Variants in CIROZ observed in about 807,000 individuals in gnomAD.
The protein encoded by CIROZ is ciliated left-right organizer ZP-N domains-containing protein.
the CIROZ span, among the ~76,000 whole-genome samples, chr1:10,976,712 A>C: frequency 6.6e-6 from 1 of 152,004 alleles, no homozygotes; most frequent in Non-Finnish European, 1.5e-5. Flanking sequence ...AAAAAAAAAA[A>C]AAACCCATAA....
chr1:10,964,537 A>G, the CIROZ span, among the ~76,000 whole-genome samples: 1 of 152,362 alleles, frequency 6.6e-6, no homozygotes, highest in Non-Finnish European at 1.5e-5. Context: ...CTAGTCAGAC[A>G]GAATAAGAGC....
At chr1:10,975,760 T>C in the CIROZ span, among the ~76,000 whole-genome samples, 1 of 152,158 alleles carries the variant, frequency 6.6e-6, no homozygotes, top group Non-Finnish European at 1.5e-5. Context: ...CTGCTACTCA[T>C]TGCTATGGGA....
chr1:10,976,597 G>A, the CIROZ span, among the ~76,000 whole-genome samples: 76 of 151,174 alleles, frequency 5.0e-4, no homozygotes, highest in African/African-American at 1.6e-3. Flanking sequence ...TGATCCACCC[G>A]CCTCGGCCTC....
At chr1:10,973,956 A>ACC in the CIROZ span, among the ~76,000 whole-genome samples, 2,483 of 134,318 alleles carry the variant, frequency 0.018, 72 homozygotes, top group African/African-American at 0.061. Context: ...CCCAGGAAGG[A>ACC]CCCCCCCCAC....
chr1:10,959,188 T>G, the CIROZ span, among the ~76,000 whole-genome samples: 65,112 of 151,946 alleles, frequency 0.43, 16,470 homozygotes, highest in African/African-American at 0.69. This position sits in a 1 kb window ranked among gnomAD's most constrained non-coding sequence, Gnocchi z 4.3. Flanking sequence ...GCTTCTACGG[T>G]CCCAGAGAGT....
chr1:10,951,740 A>AT, the CIROZ span, among the ~76,000 whole-genome samples: 7 of 137,244 alleles, frequency 5.1e-5, no homozygotes, highest in African/African-American at 2.0e-4. Flanking sequence ...TAAAAAAAAA[A>AT]AAAAAATATA....
At chr1:10,980,480 A>C in the CIROZ span, among the ~76,000 whole-genome samples, 3,155 of 152,354 alleles carry the variant, frequency 0.021, 123 homozygotes, top group African/African-American at 0.072. Flanking sequence ...TTAGTTGATT[A>C]ATTTGCAAAA....
At chr1:10,980,692 C>T in the CIROZ span, among the ~76,000 whole-genome samples, 1 of 152,202 alleles carries the variant, frequency 6.6e-6, no homozygotes, top group African/African-American at 2.4e-5. Context: ...GGGGGGTAGA[C>T]AGCTCTCCCC....
chr1:10,963,255 G>A, the CIROZ span, among the ~76,000 whole-genome samples: 1 of 152,032 alleles, frequency 6.6e-6, no homozygotes, highest in African/African-American at 2.4e-5. Flanking sequence ...AGGGCATGGT[G>A]GCACACACCT....
the CIROZ span, among the ~76,000 whole-genome samples, chr1:10,967,508 T>A: frequency 6.6e-6 from 1 of 152,210 alleles, no homozygotes; most frequent in Non-Finnish European, 1.5e-5. Context: ...TTCTGCACAA[T>A]CATTGTCTTC....
the CIROZ span, chr1:10,966,524 A>C: frequency 6.7e-7 from 1 of 1,485,890 alleles, no homozygotes; most frequent in Non-Finnish European, 8.9e-7. Flanking sequence ...GAGCCTGTGG[A>C]GGTGGCTTCT....
At chr1:10,955,111 T>C in the CIROZ span, 5 of 1,614,036 alleles carry the variant, frequency 3.1e-6, no homozygotes, top group Non-Finnish European at 4.2e-6. Flanking sequence ...TTCCTCAATG[T>C]AGGAACCTCT....
At chr1:10,947,761 C>G in the CIROZ span, 1 of 1,594,470 alleles carries the variant, frequency 6.3e-7, no homozygotes, top group Non-Finnish European at 8.6e-7. Context: ...TCTGTCAGCT[C>G]CTGCTGGAGT....
At chr1:10,954,823 G>T in the CIROZ span, among the ~76,000 whole-genome samples, 3 of 152,042 alleles carry the variant, frequency 2.0e-5, no homozygotes, top group African/African-American at 7.2e-5. Context: ...GAACTCCCAG[G>T]CTCAAGTGAC....
At chr1:10,953,940 A>C in the CIROZ span, 1 of 1,496,454 alleles carries the variant, frequency 6.7e-7, no homozygotes, top group Non-Finnish European at 8.9e-7. Flanking sequence ...CAGAAGAAAG[A>C]ACCCCAGGGC....
the CIROZ span, chr1:10,976,023 G>A: frequency 2.2e-5 from 15 of 677,838 alleles, no homozygotes; most frequent in East Asian, 3.5e-4. Flanking sequence ...TGAAATCCAC[G>A]CTTTGGTGAA....
At chr1:10,970,366 G>A in the CIROZ span, among the ~76,000 whole-genome samples, 1 of 152,244 alleles carries the variant, frequency 6.6e-6, no homozygotes, top group Middle Eastern at 3.4e-3. Context: ...GGTGGCTCAT[G>A]CCTGTAATCC....
chr1:10,972,147 G>A, the CIROZ span, among the ~76,000 whole-genome samples: 2 of 152,316 alleles, frequency 1.3e-5, no homozygotes, highest in East Asian at 3.9e-4. Context: ...AAGAACAACA[G>A]CATCGTGAGA....
chr1:10,968,682 C>G, the CIROZ span, among the ~76,000 whole-genome samples: 30 of 152,328 alleles, frequency 2.0e-4, no homozygotes, highest in Admixed American at 5.9e-4. Context: ...CAGCAGGCAC[C>G]GTCATTTCTC....
Sources: gnomAD v4.1 joint callset for allele counts (sites outside exome capture counted in the v4.1 genomes callset) on GRCh38, gnomAD v4.1.1 for gene constraint, Gnocchi (gnomAD v3.1) non-coding constraint, MANE v1.5 for transcripts, NCBI Gene and HGNC (gene_info 2026-07-23, HGNC 2026-07-21) for gene names.